LRIG3: variants seen among roughly 807,000 people sequenced by gnomAD.
LRIG3 encodes the protein leucine-rich repeats and immunoglobulin-like domains protein 3.
In LRIG3, 76 loss-of-function variants were observed where a neutral mutation model predicts 114.5. The observed-to-expected ratio is 0.66, with a 90% CI of 0.55 to 0.80. The LOEUF is 0.80. LRIG3 is among the 30% of genes least tolerant of loss of function. The pLI, the probability that LRIG3 is intolerant of heterozygous loss-of-function variation, is 0.00. For missense variants in LRIG3, 1,239 were observed against 1,382.8 expected (o/e 0.90, Z 1.65); for synonymous variants, 512 against 519.8 (o/e 0.98, Z 0.20).
At chr12:58,885,155 G>C (rs930415691) in intron 10 of LRIG3, among the ~76,000 whole-genome samples, 2 of 152,126 alleles carry the variant, frequency 1.3e-5, no homozygotes, top group African/African-American at 4.8e-5. Flanking sequence ...GGGCAGCTCT[G>C]GGTTGCGTCC....
chr12:58,891,663 C>T (rs776775906), intron 3 of LRIG3, among the ~76,000 whole-genome samples: 9 of 152,110 alleles, frequency 5.9e-5, no homozygotes, highest in Non-Finnish European at 8.8e-5. Context: ...AGTTTCAAGG[C>T]ACTGCCATAG....
At chr12:58,906,708 G>C (rs1274879644) in intron 3 of LRIG3, among the ~76,000 whole-genome samples, 2 of 152,036 alleles carry the variant, frequency 1.3e-5, no homozygotes, top group Non-Finnish European at 2.9e-5. Context: ...CCCTTTGTGA[G>C]AAAAAGAGAT....
At chr12:58,899,187 A>T (rs1319257287) in intron 3 of LRIG3, among the ~76,000 whole-genome samples, 1 of 152,230 alleles carries the variant, frequency 6.6e-6, no homozygotes, top group East Asian at 1.9e-4. Flanking sequence ...GGTGATGGTG[A>T]TGTGCTAGGA....
chr12:58,910,268 A>G (rs1592310693), intron 3 of LRIG3, among the ~76,000 whole-genome samples: 1 of 152,192 alleles, frequency 6.6e-6, no homozygotes, highest in Admixed American at 6.5e-5. Context: ...CCTGGGCCCC[A>G]CCCAAATCTA....
chr12:58,885,532 GT>G (rs930363574), intron 10 of LRIG3, among the ~76,000 whole-genome samples: 28 of 146,780 alleles, frequency 1.9e-4, no homozygotes, highest in African/African-American at 5.3e-4. Context: ...CTAGTAGTTT[GT>G]TTTTTTTTTA....
intron 3 of LRIG3, among the ~76,000 whole-genome samples, chr12:58,893,899 T>G (rs561678069): frequency 6.6e-6 from 1 of 152,282 alleles, no homozygotes; most frequent in African/African-American, 2.4e-5. Flanking sequence ...TAGCTACGCT[T>G]GTATTTAACA....
Position 58,880,585 on chromosome 12 carries a change from T to C in LRIG3, c.1797A>G (p.Val599=). The change falls in exon 13 of 19, where the codon GTA becomes GTG. Residue 599 remains valine (V), a synonymous_variant. Transcript: ENST00000320743. ...SSYSVKAKLT[V]NMLPSFTKTP... is the part of the protein sequence containing the mutation. ...AGGAAAAGTCAGATCACATACTATT[T>C]ACTGTAAGCTTGGCTTTGACAGAGT... The C allele has an allele frequency of 1.2e-6, 2 of 1,610,236 alleles. No homozygotes were observed. Among genetic ancestry groups the C allele is most frequent in the Non-Finnish European group, 1.7e-6 (2 of 1,176,710 alleles).
At chr12:58,873,144 A>G (rs1026345286) in intron 18 of LRIG3, among the ~76,000 whole-genome samples, 1 of 152,154 alleles carries the variant, frequency 6.6e-6, no homozygotes, top group South Asian at 2.1e-4. Context: ...TGAGAGCCCA[A>G]TTTTGGTGAC....
intron 5 of LRIG3, among the ~76,000 whole-genome samples, chr12:58,889,507 GGT>G (rs1448896292): frequency 2.0e-5 from 3 of 149,372 alleles, no homozygotes; most frequent in African/African-American, 7.6e-5. Flanking sequence ...ATTGGTCTAA[GGT>G]GTGGCCTGGG....
chr12:58,900,923 G>A (rs1049547607), intron 3 of LRIG3, among the ~76,000 whole-genome samples: 2 of 152,174 alleles, frequency 1.3e-5, no homozygotes, highest in Admixed American at 6.5e-5. Context: ...TTCACAGACT[G>A]GCATTAACCT....
chr12:58,885,035 CT>C (rs1242180126), intron 10 of LRIG3, among the ~76,000 whole-genome samples: 1 of 152,100 alleles, frequency 6.6e-6, no homozygotes, highest in Non-Finnish European at 1.5e-5. Context: ...TCCTGAGCCC[CT>C]AAATGACATT....
intron 10 of LRIG3, among the ~76,000 whole-genome samples, chr12:58,885,533 T>G (rs981037779): frequency 6.7e-6 from 1 of 148,642 alleles, no homozygotes; most frequent in Admixed American, 6.7e-5. Flanking sequence ...TAGTAGTTTG[T>G]TTTTTTTTTA....
At chr12:58,902,420 A>G (rs1871889182) in intron 3 of LRIG3, among the ~76,000 whole-genome samples, 1 of 152,148 alleles carries the variant, frequency 6.6e-6, no homozygotes. Flanking sequence ...CATGAATGTT[A>G]CCTTAATATT....
chr12:58,880,408 T>G (rs575781479), intron 13 of LRIG3, 173 bp downstream of exon 13: 1 of 743,092 alleles, frequency 1.3e-6, no homozygotes, highest in Non-Finnish European at 2.4e-6. Context: ...AATTGCAGGT[T>G]TAGATACAAA....
At position 58,888,904 on chromosome 12, in the gene LRIG3, C is replaced by A. The variant is rs1244979690; in HGVS notation, c.718G>T (p.Ala240Ser). 1.9e-6 allele frequency: 3 copies of A among 1,613,860 alleles called. No individual in the cohort carries two copies. The highest frequency in any genetic ancestry group is 2.5e-6 in the Non-Finnish European group (3 of 1,179,840). Residue 240 changes from alanine to serine, a missense_variant, in exon 6 of 19, where the codon GCT becomes TCT. By Grantham distance (99) the Ala-to-Ser change is moderately conservative. Transcript: ENST00000320743. ...VDGLTFQGLGALKSLKMQRNG... is the reference protein window; with the variant it reads ...VDGLTFQGLGSLKSLKMQRNG... ...CTTTGCATTTTCAGAGACTTCAGAG[C>A]ACCAAGGCCTTGGAATGTCAGTCCA...
chr12:58,884,329 T>C (rs1012229682), intron 10 of LRIG3, among the ~76,000 whole-genome samples: 2 of 152,222 alleles, frequency 1.3e-5, no homozygotes, highest in Admixed American at 1.3e-4. Flanking sequence ...CCACAATGAT[T>C]ACCACTCTGT....
At chr12:58,909,314 G>C (rs1457355479) in intron 3 of LRIG3, among the ~76,000 whole-genome samples, 1 of 152,124 alleles carries the variant, frequency 6.6e-6, no homozygotes, top group Non-Finnish European at 1.5e-5. Flanking sequence ...AGTAGGATTT[G>C]GTAAATATGT....
chr12:58,879,970 G>C (rs1871063916), intron 13 of LRIG3, among the ~76,000 whole-genome samples: 1 of 152,152 alleles, frequency 6.6e-6, no homozygotes, highest in Admixed American at 6.5e-5. Flanking sequence ...CAGCCTTCCA[G>C]ATCAGTATAC....
At chr12:58,881,439 A>T (rs1871125459) in intron 12 of LRIG3, among the ~76,000 whole-genome samples, 1 of 149,858 alleles carries the variant, frequency 6.7e-6, no homozygotes, top group South Asian at 2.1e-4. Context: ...AAAAAAAAAA[A>T]GCTGATAGCA....
Sources: gnomAD v4.1 joint callset for allele counts (sites outside exome capture counted in the v4.1 genomes callset) on GRCh38, gnomAD v4.1.1 for gene constraint, MANE v1.5 for transcripts, NCBI Gene and HGNC (gene_info 2026-07-23, HGNC 2026-07-21) for gene names.